The following KIAA1217 variants were observed in gnomAD, a reference collection of about 807,000 sequenced individuals.
KIAA1217 encodes the protein KIAA1217.
A neutral mutation model predicts 163.9 loss-of-function variants in KIAA1217; 88 were observed. That is an observed-to-expected ratio of 0.54 (90% CI 0.45 to 0.64). KIAA1217 has a LOEUF of 0.64. Ranked by LOEUF, KIAA1217 falls within the 30% of genes least tolerant of loss-of-function variation. KIAA1217 has a pLI of 0.00. For missense variants in KIAA1217, 2,372 were observed against 2,475.0 expected (o/e 0.96, Z 0.88); for synonymous variants, 903 against 923.1 (o/e 0.98, Z 0.39).
chr10:23,788,075 G>A (rs965733374), intron 1 of KIAA1217, among the ~76,000 whole-genome samples: 1 of 152,110 alleles, frequency 6.6e-6, no homozygotes, highest in African/African-American at 2.4e-5. Context: ...GCACACACCT[G>A]TAGTCCCAGC....
intron 1 of KIAA1217, among the ~76,000 whole-genome samples, chr10:23,885,733 G>C (rs985300140): frequency 1.1e-4 from 16 of 152,030 alleles, no homozygotes; most frequent in Non-Finnish European, 1.9e-4. Context: ...ACACGTGGCA[G>C]TCAACTGGCG....
intron 13 of KIAA1217, among the ~76,000 whole-genome samples, chr10:24,525,086 G>T (rs2071916428): frequency 6.6e-6 from 1 of 152,162 alleles, no homozygotes; most frequent in African/African-American, 2.4e-5. Context: ...CGGCGGGGTG[G>T]GGGGGCAGAG....
rs531114407 is a variant in KIAA1217 at position 24,427,392 on chromosome 10, T to C, written c.554-5603T>C. Among the ~76,000 whole-genome samples the C allele has an allele frequency of 2.0e-5, 3 of 152,222 alleles. No individual in the cohort carries two copies. The South Asian group carries it at 6.2e-4, about 32-fold the overall frequency. ...GCCCTGAGAGGATGCTTGCAGGAGATGGACAGAGCTAAATGCAGGATTTCA... is the reference window on the plus strand; with the variant it reads ...GCCCTGAGAGGATGCTTGCAGGAGACGGACAGAGCTAAATGCAGGATTTCA... On this transcript the variant is annotated intron_variant, in intron 3 of 20. Transcript: ENST00000376454.
Position 24,076,877 on chromosome 10 carries a change from CTTTTT to C in KIAA1217, c.-171+69516_-171+69520del, listed in dbSNP as rs10573976. On this transcript the variant is annotated intron_variant, in intron 2 of 18. Transcript: ENST00000376462. ...TAAACTGCTAATTTTTTATTTCCATCTTTTTTTTTTTTTTTTTGAGATGGAGCCTC... is the reference window on the plus strand; with the variant it reads ...TAAACTGCTAATTTTTTATTTCCATCTTTTTTTTTTTTGAGATGGAGCCTC... Among the ~76,000 whole-genome samples the C allele has an allele frequency of 2.1e-3, 301 of 140,992 alleles. 3 individuals are homozygous for C. In the East Asian group the frequency reaches 0.031, roughly 14 times the overall value. 92.5% of individuals were successfully genotyped at this position (140,992 alleles called of 152,430 possible).
chr10:24,333,043 A>G (rs1284219884), intron 2 of KIAA1217, among the ~76,000 whole-genome samples: 1 of 151,970 alleles, frequency 6.6e-6, no homozygotes, highest in Non-Finnish European at 1.5e-5. Context: ...ATTTTTTGAG[A>G]CTAAGTCTTG....
intron 1 of KIAA1217, among the ~76,000 whole-genome samples, chr10:23,857,991 A>C (rs963303186): frequency 2.0e-5 from 3 of 151,812 alleles, no homozygotes; most frequent in African/African-American, 7.3e-5. Context: ...AGAGACTTCA[A>C]GTAGGAGACA....
chr10:24,496,453 C>T (rs1300169771), intron 8 of KIAA1217, among the ~76,000 whole-genome samples: 2 of 152,242 alleles, frequency 1.3e-5, no homozygotes, highest in African/African-American at 4.8e-5. Context: ...TAAAAGCTCC[C>T]ATCCTTCTAT....
chr10:24,223,406 T>C (rs953035912), intron 2 of KIAA1217, among the ~76,000 whole-genome samples: 1 of 152,180 alleles, frequency 6.6e-6, no homozygotes, highest in Non-Finnish European at 1.5e-5. Flanking sequence ...CCATTTCCTC[T>C]TTCCTGTCTT....
At chr10:24,040,127 T>C (rs937185200) in intron 2 of KIAA1217, among the ~76,000 whole-genome samples, 1 of 152,228 alleles carries the variant, frequency 6.6e-6, no homozygotes, top group Non-Finnish European at 1.5e-5. Context: ...CCAGTCAGCT[T>C]CCCAGGCCAA....
At chr10:24,510,167 T>C (rs574933906) in intron 9 of KIAA1217, among the ~76,000 whole-genome samples, 1 of 152,262 alleles carries the variant, frequency 6.6e-6, no homozygotes, top group South Asian at 2.1e-4. Context: ...ATGAGTTGAA[T>C]TCAGAAGACC....
At chr10:24,406,603 T>C (rs937964041) in intron 3 of KIAA1217, among the ~76,000 whole-genome samples, 1 of 152,254 alleles carries the variant, frequency 6.6e-6, no homozygotes, top group Admixed American at 6.5e-5. Flanking sequence ...GGAGTACTTT[T>C]ATCTTACCTG....
intron 1 of KIAA1217, among the ~76,000 whole-genome samples, chr10:23,935,218 C>T (rs923161858): frequency 6.6e-6 from 1 of 152,034 alleles, no homozygotes; most frequent in Non-Finnish European, 1.5e-5. Flanking sequence ...TTGGCCAGTC[C>T]GAAAGCTGAG....
intron 2 of KIAA1217, among the ~76,000 whole-genome samples, chr10:24,063,780 A>G (rs902803022): frequency 6.6e-5 from 10 of 152,160 alleles, no homozygotes; most frequent in African/African-American, 2.4e-4. Flanking sequence ...TGAACATGGA[A>G]TGTTCTTCCA....
intron 1 of KIAA1217, among the ~76,000 whole-genome samples, chr10:23,789,936 CAT>C (rs1422503206): frequency 2.1e-5 from 2 of 97,406 alleles, no homozygotes; most frequent in African/African-American, 7.8e-5. Flanking sequence ...TATATATACA[CAT>C]ATACATATAC....
At chr10:23,711,274 C>T (rs1385595465) in intron 1 of KIAA1217, among the ~76,000 whole-genome samples, 1 of 152,156 alleles carries the variant, frequency 6.6e-6, no homozygotes, top group Non-Finnish European at 1.5e-5. Context: ...AGAGACTTTG[C>T]AGATGGGATT....
At chr10:24,286,812 C>G (rs750816756) in intron 2 of KIAA1217, among the ~76,000 whole-genome samples, 2 of 152,098 alleles carry the variant, frequency 1.3e-5, no homozygotes, top group Non-Finnish European at 2.9e-5. Context: ...CATTCTGTCC[C>G]CTTCAGATAG....
At chr10:23,967,304 A>G (rs1171049052) in intron 1 of KIAA1217, among the ~76,000 whole-genome samples, 1 of 152,180 alleles carries the variant, frequency 6.6e-6, no homozygotes, top group East Asian at 1.9e-4. Flanking sequence ...GCAAGATAAC[A>G]GAAATGAATA....
At chr10:24,038,950 G>A (rs1848510459) in intron 2 of KIAA1217, among the ~76,000 whole-genome samples, 1 of 151,960 alleles carries the variant, frequency 6.6e-6, no homozygotes, top group African/African-American at 2.4e-5. Context: ...CACCATGTTG[G>A]CCAGGCTGGT....
At chr10:23,863,060 T>C (rs1840028947) in intron 1 of KIAA1217, among the ~76,000 whole-genome samples, 3 of 152,276 alleles carry the variant, frequency 2.0e-5, no homozygotes, top group Admixed American at 6.5e-5. Flanking sequence ...ATTTTCTTCA[T>C]CTGTTTATAA....
Sources: gnomAD v4.1 joint callset for allele counts (sites outside exome capture counted in the v4.1 genomes callset) on GRCh38, gnomAD v4.1.1 for gene constraint, MANE v1.5 for transcripts, NCBI Gene and HGNC (gene_info 2026-07-23, HGNC 2026-07-21) for gene names.